The following TBL1XR1 variants were observed in gnomAD, a reference collection of about 807,000 sequenced individuals.
The protein encoded by TBL1XR1 is F-box-like/WD repeat-containing protein TBL1XR1.
A neutral mutation model predicts 66.9 loss-of-function variants in TBL1XR1; 5 were observed. The ratio of observed to expected loss-of-function variants is 0.07; its 90% CI spans 0.04 to 0.16. TBL1XR1 has a LOEUF of 0.16. Among genes scored for constraint, TBL1XR1 ranks in the 10% least tolerant of loss-of-function variants. The probability of loss-of-function intolerance (pLI) is 1.00; values close to 1 mark genes in which losing one functional copy is unlikely to be tolerated. For missense variants in TBL1XR1, 238 were observed against 623.2 expected (o/e 0.38, Z 6.58); for synonymous variants, 210 against 206.0 (o/e 1.02, Z -0.17).
rs988660806 is a variant in TBL1XR1 at position 177,047,553 on chromosome 3, C to T, written c.703-4G>A. 6.2e-7 allele frequency: 1 copy of T among 1,611,914 alleles called. No homozygotes were observed. On this transcript the variant is annotated splice_region_variant and splice_polypyrimidine_tract_variant and intron_variant, in intron 7 of 15. Transcript: ENST00000457928. Reference sequence around the variant, plus strand: ...TTGCTAGAAGTGTACCTTCACTCTGCCAGAGAAAAACATTTCTTTAATTAT... The same window carrying T: ...TTGCTAGAAGTGTACCTTCACTCTGTCAGAGAAAAACATTTCTTTAATTAT...
chr3:177,171,228 T>A (rs559732851), intron 1 of TBL1XR1, among the ~76,000 whole-genome samples: 1 of 151,908 alleles, frequency 6.6e-6, no homozygotes, highest in East Asian at 2.0e-4. Context: ...TAATCCCAGC[T>A]ACTCGGGAGA....
intron 1 of TBL1XR1, among the ~76,000 whole-genome samples, chr3:177,102,876 C>T (rs570509672): frequency 1.3e-5 from 2 of 152,344 alleles, no homozygotes; most frequent in Admixed American, 1.3e-4. Flanking sequence ...CTTAACATAT[C>T]TCCCTTTCCA....
At chr3:177,108,765 T>A (rs1376268686) in intron 1 of TBL1XR1, among the ~76,000 whole-genome samples, 1 of 152,194 alleles carries the variant, frequency 6.6e-6, no homozygotes, top group East Asian at 1.9e-4. Flanking sequence ...GTATTTTTAT[T>A]AATGCAAACA....
chr3:177,192,923 C>G (rs1736348053), intron 1 of TBL1XR1, among the ~76,000 whole-genome samples: 1 of 152,058 alleles, frequency 6.6e-6, no homozygotes, highest in African/African-American at 2.4e-5. Flanking sequence ...GAGGCCGAGG[C>G]AGGCACGTTA....
chr3:177,093,977 G>A (rs531647224), intron 2 of TBL1XR1, among the ~76,000 whole-genome samples: 4 of 152,168 alleles, frequency 2.6e-5, no homozygotes, highest in African/African-American at 9.6e-5. Flanking sequence ...ATTAAGATGG[G>A]ACTTAATTAT....
chr3:177,177,849 T>A (rs1307033519), intron 1 of TBL1XR1, among the ~76,000 whole-genome samples: 3 of 152,148 alleles, frequency 2.0e-5, no homozygotes, highest in East Asian at 3.9e-4. Flanking sequence ...CCTGTTCTCA[T>A]GCAGTTTAAA....
In TBL1XR1 at chr3:177,145,357, A is replaced by G. The variant is rs78495488; in HGVS notation, c.-121-46816T>C. Among the ~76,000 whole-genome samples the G allele has an allele frequency of 2.1e-3, 321 of 152,276 alleles. 22 individuals carry two copies. In the East Asian group the frequency reaches 0.056, roughly 27 times the overall value. On this transcript the variant is annotated intron_variant, in intron 1 of 15. Coordinates refer to ENST00000457928, the MANE Select transcript of TBL1XR1 (RefSeq NM_024665.7). ...GCATTGTTTTTTTCAGTGACTGTAT[A>G]TCTGGCTCCCTATAGAAAAAGTCTG...
At chr3:177,147,873 A>C (rs1730439538) in intron 1 of TBL1XR1, among the ~76,000 whole-genome samples, 1 of 152,216 alleles carries the variant, frequency 6.6e-6, no homozygotes, top group Non-Finnish European at 1.5e-5. Context: ...CTGTTTTTGA[A>C]TAATGTGATC....
intron 6 of TBL1XR1, 144 bp from the exon 7 acceptor site, chr3:177,050,282 C>G: frequency 7.9e-7 from 1 of 1,263,494 alleles, no homozygotes; most frequent in Non-Finnish European, 1.1e-6. Flanking sequence ...CCATTCTACA[C>G]GTTGGGACCC....
At position 177,052,830 on chromosome 3, in the gene TBL1XR1, G is replaced by A. The variant is rs185984824; in HGVS notation, c.204+943C>T. Among the ~76,000 whole-genome samples the A allele has an allele frequency of 1.2e-3, 183 of 152,294 alleles. 1 individual carries two copies. Among genetic ancestry groups the A allele is most frequent in the African/African-American group, 4.1e-3 (169 of 41,558 alleles). ...ATAAAAATTTTAAACTAGGCTGGGC[G>A]TGGTGGCTCATGCCTGTAATTCCAG... On this transcript the variant is annotated intron_variant, in intron 4 of 15. Transcript: ENST00000457928.
chr3:177,184,892 A>C (rs911606424), intron 1 of TBL1XR1, among the ~76,000 whole-genome samples: 1 of 152,180 alleles, frequency 6.6e-6, no homozygotes, highest in African/African-American at 2.4e-5. Flanking sequence ...CCACTACTCT[A>C]ATTCTGCCAA....
chr3:177,025,611 G>T, intron 15 of TBL1XR1, 87 bp from the exon 16 acceptor site: 1 of 1,272,082 alleles, frequency 7.9e-7, no homozygotes, highest in African/African-American at 1.5e-5. Context: ...AATTTGAAAT[G>T]TTTCTTAGTT....
intron 1 of TBL1XR1, among the ~76,000 whole-genome samples, chr3:177,122,447 C>T (rs75306481): frequency 0.012 from 1,849 of 152,028 alleles, 47 homozygotes; most frequent in African/African-American, 0.043. Flanking sequence ...AAGTAATGAC[C>T]GAAATCCCTT....
At chr3:177,113,597 A>G (rs1433265374) in intron 1 of TBL1XR1, among the ~76,000 whole-genome samples, 1 of 152,172 alleles carries the variant, frequency 6.6e-6, no homozygotes, top group Admixed American at 6.5e-5. Flanking sequence ...TTAGAAGGTG[A>G]AGGCTGGAGA....
At chr3:177,113,766 G>C (rs1725944081) in intron 1 of TBL1XR1, among the ~76,000 whole-genome samples, 1 of 152,108 alleles carries the variant, frequency 6.6e-6, no homozygotes, top group South Asian at 2.1e-4. Flanking sequence ...ATGAAAGAAT[G>C]TTCGACATCA....
intron 10 of TBL1XR1, 38 bp downstream of exon 10, chr3:177,046,091 G>A (rs372350555): frequency 1.1e-5 from 16 of 1,465,606 alleles, no homozygotes; most frequent in African/African-American, 8.7e-5. Flanking sequence ...AAAAACAGAA[G>A]CAAGCTCCAG....
intron 1 of TBL1XR1, among the ~76,000 whole-genome samples, chr3:177,141,838 G>C (rs1465157659): frequency 6.6e-6 from 1 of 152,098 alleles, no homozygotes; most frequent in African/African-American, 2.4e-5. Context: ...AACAAAACAT[G>C]GTCTATATAT....
intron 1 of TBL1XR1, among the ~76,000 whole-genome samples, chr3:177,193,004 T>G (rs1313444743): frequency 1.3e-5 from 2 of 151,674 alleles, no homozygotes; most frequent in African/African-American, 4.8e-5. Context: ...AACACAAAAA[T>G]TAGCCGGGAG....
At position 177,153,966 on chromosome 3, in the gene TBL1XR1, T is replaced by C. The variant is rs573594387; in HGVS notation, c.-122+43155A>G. Among the ~76,000 whole-genome samples the C allele has an allele frequency of 1.5e-4, 21 of 143,058 alleles. No individual in the cohort carries two copies. The East Asian group carries it at 4.1e-3, about 28-fold the overall frequency. The allele number at this position is 143,058 out of a possible 152,430, so 93.9% of individuals were successfully genotyped here. A position where few individuals can be genotyped will look rare whatever the true frequency, so the allele number is the denominator to read the frequency against. On this transcript the variant is annotated intron_variant, in intron 1 of 15. Coordinates refer to ENST00000457928, the MANE Select transcript of TBL1XR1 (RefSeq NM_024665.7). ...GCTAATAAGACAATAGTAGAAATAA[T>C]ATAGAGTGCTAATAATTACTAAATC...
Sources: gnomAD v4.1 joint callset for allele counts (sites outside exome capture counted in the v4.1 genomes callset) on GRCh38, gnomAD v4.1.1 for gene constraint, MANE v1.5 for transcripts, NCBI Gene and HGNC (gene_info 2026-07-23, HGNC 2026-07-21) for gene names.